MDGA1: variants seen among roughly 807,000 people sequenced by gnomAD.
MDGA1 encodes the protein MAM domain containing glycosylphosphatidylinositol anchor 1, also known as MAM domain-containing glycosylphosphatidylinositol anchor protein 1.
MDGA1 carries 54 observed loss-of-function variants against 101.5 expected under a neutral mutation model. The observed-to-expected ratio is 0.53, with a 90% CI of 0.43 to 0.67. MDGA1 has a LOEUF of 0.67. Among genes scored for constraint, MDGA1 ranks in the 30% least tolerant of loss-of-function variants. The pLI is 0.00. For missense variants in MDGA1, 1,083 were observed against 1,323.8 expected, an observed-to-expected ratio of 0.82 and a Z score of 2.82; for synonymous variants, 533 against 558.3, an observed-to-expected ratio of 0.95 and a Z score of 0.64.
At position 37,644,652 on chromosome 6, in the gene MDGA1, G is replaced by A; in HGVS notation, c.2249-3C>T. 6.4e-7 allele frequency: 1 copy of A among 1,569,126 alleles called. No homozygotes were observed. The highest frequency in any genetic ancestry group is 8.6e-7 in the Non-Finnish European group (1 of 1,157,516). ...ATCCTCAAAGTGGCAGGTGTTGTCT[G>A]CATTTTATGGGGCGAATGAGACAAA... is the stretch of plus-strand genomic sequence containing the variant. On this transcript the variant is annotated splice_region_variant and splice_polypyrimidine_tract_variant and intron_variant, in intron 12 of 16. Transcript: ENST00000434837.
At chr6:37,650,050 G>A (rs1406986391) in intron 8 of MDGA1, 59 bp downstream of exon 8, 8 of 1,602,700 alleles carry the variant, frequency 5.0e-6, no homozygotes, top group African/African-American at 1.3e-5. Flanking sequence ...GAGGGGACAG[G>A]CCGGCTGGGA....
In MDGA1 at chr6:37,696,035, G is replaced by A. The variant is rs1275043837; in HGVS notation, c.67+710C>T. Among the ~76,000 whole-genome samples the A allele has an allele frequency of 6.6e-6, 1 of 152,220 alleles. No homozygotes were observed. Among genetic ancestry groups the A allele is most frequent in the Non-Finnish European group, 1.5e-5 (1 of 68,038 alleles). On this transcript the variant is annotated intron_variant, in intron 1 of 16. Coordinates refer to ENST00000434837, the MANE Select transcript of MDGA1 (RefSeq NM_153487.4). The surrounding 1 kb of genome is among the most constrained non-coding windows in gnomAD (Gnocchi z 5.6). ...GGCTGCGTGGCAGGAGGCAGAGTTT[G>A]GACACGTATCCCGGTGGGTGCGTGC... is the stretch of plus-strand genomic sequence containing the variant.
rs199599934 is a variant in MDGA1 at position 37,646,336 on chromosome 6, G to A, written c.2086C>T (p.Arg696Trp). ...AGCAGCTGCCCCTTCTCCACACGCC[G>A]GACCGGGATGGCCTTGACCACCGCA... ...HNAVVKAIPV[R>W]RVEKGQLLEY... is the part of the protein sequence containing the mutation. The change falls in exon 11 of 17, where the codon CGG becomes TGG. Residue 696 changes from arginine (R) to tryptophan (W), a missense_variant. By Grantham distance (101) the Arg-to-Trp change is moderately radical. This residue lies in a region of MDGA1 where 657 missense variants were observed against 771.4 expected (regional missense o/e 0.85). Coordinates refer to ENST00000434837, the MANE Select transcript of MDGA1 (RefSeq NM_153487.4). 157 of 1,575,492 alleles carry A rather than the reference G, an allele frequency of 1.0e-4. 1 individual carries two copies. In the East Asian group the frequency reaches 1.9e-3, roughly 19 times the overall value.
intron 1 of MDGA1, among the ~76,000 whole-genome samples, chr6:37,665,528 A>G (rs1474029656): frequency 6.6e-6 from 1 of 152,196 alleles, no homozygotes; most frequent in Non-Finnish European, 1.5e-5. Flanking sequence ...TGTTTTCTCT[A>G]GCAGCTAAAC....
intron 12 of MDGA1, among the ~76,000 whole-genome samples, chr6:37,645,696 G>C (rs1033812802): frequency 6.6e-6 from 1 of 152,012 alleles, no homozygotes; most frequent in Non-Finnish European, 1.5e-5. Context: ...TTGCTTTTGG[G>C]ACAGTAAGCC....
At chr6:37,674,787 G>A (rs1279718661) in intron 1 of MDGA1, among the ~76,000 whole-genome samples, 2 of 152,256 alleles carry the variant, frequency 1.3e-5, no homozygotes, top group East Asian at 1.9e-4. Context: ...TGGGCACGGC[G>A]GCTCACACCT....
chr6:37,681,836 TGCA>T (rs1762103170), intron 1 of MDGA1, among the ~76,000 whole-genome samples: 1 of 152,138 alleles, frequency 6.6e-6, no homozygotes, highest in South Asian at 2.1e-4. Context: ...AGCCAGGCTT[TGCA>T]GCCCCTGCTC....
rs1763846017 is a variant in MDGA1, at chr6:37,632,665, T to C, written c.*4703A>G. 1 of 152,386 alleles carries C rather than the reference T, an allele frequency of 6.6e-6. No individual in the cohort carries two copies. The highest frequency in any genetic ancestry group is 6.6e-5 in the Admixed American group (1 of 15,250). 9.4% of individuals were successfully genotyped at this position (152,386 alleles called of 1,614,324 possible). A position where few individuals can be genotyped will look rare whatever the true frequency, so the allele number is the denominator to read the frequency against. ...GCAAAGGGGTGAGGATGGGGCTGTG[T>C]GACTAAAAAAACAACCCCAATCATT... On this transcript the variant is annotated 3_prime_UTR_variant, in exon 17 of 17. Coordinates refer to ENST00000434837, the MANE Select transcript of MDGA1 (RefSeq NM_153487.4).
At position 37,636,741 on chromosome 6, in the gene MDGA1, C is replaced by T. The variant is rs45611032; in HGVS notation, c.*627G>A. On this transcript the variant is annotated 3_prime_UTR_variant, in exon 17 of 17. Transcript: ENST00000434837. ...AATCTGGGGTGACCTATGGTCTCCA[C>T]CATCCAGTGCTCACTCTGGACAGAA... The T allele has an allele frequency of 6.9e-3, 1,052 of 152,848 alleles. 11 individuals carry two copies. Among genetic ancestry groups the T allele is most frequent in the Non-Finnish European group, 9.6e-3 (655 of 68,100 alleles). 9.5% of individuals were successfully genotyped at this position (152,848 alleles called of 1,614,324 possible).
At position 37,654,392 on chromosome 6, in the gene MDGA1, G is replaced by T; in HGVS notation, c.864C>A (p.Ala288=). The change falls in exon 6 of 17, where the codon GCC becomes GCA. Residue 288 remains alanine, a synonymous_variant. Coordinates refer to ENST00000434837, the MANE Select transcript of MDGA1 (RefSeq NM_153487.4). ...AAGGGATGCTGAGGGTGCCACCCTGGGCCAGAGCACCCAGGGGCAGTGGGC... is the reference window on the plus strand; with the variant it reads ...AAGGGATGCTGAGGGTGCCACCCTGTGCCAGAGCACCCAGGGGCAGTGGGC... ...GPGPLPLGAL[A]QGGTLSIPSV... The T allele has an allele frequency of 1.9e-6, 3 of 1,613,848 alleles. No homozygotes were observed. The highest frequency in any genetic ancestry group is 2.5e-6 in the Non-Finnish European group (3 of 1,179,826).
At chr6:37,679,208 T>C (rs1242762682) in intron 1 of MDGA1, among the ~76,000 whole-genome samples, 2 of 152,224 alleles carry the variant, frequency 1.3e-5, no homozygotes, top group East Asian at 3.9e-4. Flanking sequence ...AAACAACTTT[T>C]AAATGACTTG....
intron 13 of MDGA1, among the ~76,000 whole-genome samples, chr6:37,644,173 G>C (rs563245035): frequency 1.4e-5 from 2 of 147,070 alleles, no homozygotes; most frequent in East Asian, 4.1e-4. Flanking sequence ...CTCACCCCAC[G>C]CATCCTGCCT....
chr6:37,658,968 C>CAAAAAAAAAAAA (rs34087406), intron 2 of MDGA1, among the ~76,000 whole-genome samples: 2 of 109,512 alleles, frequency 1.8e-5, no homozygotes, highest in Admixed American at 9.5e-5. Flanking sequence ...AAGACTGTTT[C>CAAAAAAAAAAAA]AAAAAAAAAA....
chr6:37,673,133 A>G (rs1275751320), intron 1 of MDGA1, among the ~76,000 whole-genome samples: 1 of 152,052 alleles, frequency 6.6e-6, no homozygotes, highest in African/African-American at 2.4e-5. Flanking sequence ...ACCCAAGGAC[A>G]CCCCATTGGT....
chr6:37,640,707 A>G (rs1157296912), intron 14 of MDGA1, among the ~76,000 whole-genome samples: 5 of 151,856 alleles, frequency 3.3e-5, no homozygotes, highest in Admixed American at 2.0e-4. Flanking sequence ...ATTGGAGCTG[A>G]TGGGGTGCTG....
intron 1 of MDGA1, among the ~76,000 whole-genome samples, chr6:37,688,012 A>G (rs1395045294): frequency 6.6e-6 from 1 of 152,200 alleles, no homozygotes; most frequent in African/African-American, 2.4e-5. Context: ...CCATTGAAGT[A>G]GAAAGCCTCC....
At chr6:37,642,418 C>T (rs1020711428) in intron 14 of MDGA1, among the ~76,000 whole-genome samples, 8 of 151,948 alleles carry the variant, frequency 5.3e-5, no homozygotes, top group Non-Finnish European at 7.4e-5. Flanking sequence ...GTGTCCCGCC[C>T]GCCTCGGCCT....
intron 1 of MDGA1, among the ~76,000 whole-genome samples, chr6:37,688,808 T>A (rs1762250558): frequency 6.6e-6 from 1 of 152,206 alleles, no homozygotes. Flanking sequence ...ATGGGGAAAC[T>A]GAGGCTCAGA....
chr6:37,651,929 A>G, intron 7 of MDGA1, 82 bp downstream of exon 7: 1 of 1,230,264 alleles, frequency 8.1e-7, no homozygotes, highest in Non-Finnish European at 1.1e-6. Context: ...TCCCTTTCCC[A>G]AGCCGTTGCC....
Sources: allele counts gnomAD v4.1 joint callset (sites outside exome capture counted in the v4.1 genomes callset), GRCh38; gene constraint gnomAD v4.1.1; regional missense constraint gnomAD v4.1.1; non-coding constraint Gnocchi (gnomAD v3.1); transcripts MANE v1.5; gene names NCBI Gene and HGNC (gene_info 2026-07-23, HGNC 2026-07-21).